Variants in TG observed in about 807,000 individuals in gnomAD.
TG encodes the protein thyroid hormones.
In TG, 270 loss-of-function variants were observed where a neutral mutation model predicts 324.7. That is an observed-to-expected ratio of 0.83 (90% confidence interval 0.75 to 0.92). The LOEUF (loss-of-function observed/expected upper bound fraction) is 0.92, where lower values mean the gene tolerates loss of function less well. Ranked by LOEUF, TG falls within the 40% of genes least tolerant of loss-of-function variation. The pLI, the probability that TG is intolerant of heterozygous loss-of-function variation, is 0.00. For synonymous variants in TG, 1,401 were observed against 1,327.0 expected (o/e 1.06, Z -1.21); for missense variants, 3,591 against 3,456.4 (o/e 1.04, Z -0.98).
chr8:132,973,889 T>A (rs1375044940), intron 34 of TG, among the ~76,000 whole-genome samples: 2 of 152,166 alleles, frequency 1.3e-5, no homozygotes, highest in Admixed American at 1.3e-4. Flanking sequence ...TATGGGGAAT[T>A]CTGGCTCTTA....
intron 10 of TG, among the ~76,000 whole-genome samples, chr8:132,888,917 A>G (rs1815824994): frequency 6.6e-6 from 1 of 152,158 alleles, no homozygotes; most frequent in African/African-American, 2.4e-5. Context: ...TCGTCCTCCT[A>G]TGGTTAATGT....
At chr8:132,950,559 C>T (rs1237684938) in intron 27 of TG, among the ~76,000 whole-genome samples, 1 of 152,208 alleles carries the variant, frequency 6.6e-6, no homozygotes. Context: ...AGTGCTTCCT[C>T]GACTACAGAG....
chr8:132,991,559 T>C (rs924137148), intron 35 of TG, among the ~76,000 whole-genome samples: 26 of 152,370 alleles, frequency 1.7e-4, no homozygotes, highest in Non-Finnish European at 2.9e-4. Flanking sequence ...ACAAGCCATT[T>C]TGAGGGAGCT....
intron 42 of TG, among the ~76,000 whole-genome samples, chr8:133,095,534 C>A (rs947225840): frequency 6.6e-6 from 1 of 152,166 alleles, no homozygotes; most frequent in Non-Finnish European, 1.5e-5. Flanking sequence ...ACTCCAGGAC[C>A]GTGGTGGGCA....
intron 27 of TG, among the ~76,000 whole-genome samples, chr8:132,957,824 G>A (rs1827151758): frequency 6.7e-6 from 1 of 148,708 alleles, no homozygotes; most frequent in Non-Finnish European, 1.5e-5. Flanking sequence ...CTGGGGTAAG[G>A]TGGTGTTTGG....
intron 44 of TG, among the ~76,000 whole-genome samples, chr8:133,114,023 A>G (rs931060074): frequency 2.0e-5 from 3 of 152,178 alleles, no homozygotes; most frequent in Non-Finnish European, 4.4e-5. Context: ...CCCATCAGGC[A>G]CACGTGAGCG....
At chr8:132,947,927 G>C (rs1381810817) in intron 26 of TG, among the ~76,000 whole-genome samples, 3 of 152,222 alleles carry the variant, frequency 2.0e-5, no homozygotes, top group African/African-American at 7.2e-5. Context: ...ATTACCTTGG[G>C]AGTAGGTCTT....
rs774972059 is a variant in TG at position 132,911,397 on chromosome 8, G to T, written c.4023G>T (p.Leu1341=). ...TGTAGGTGAAGACTTTTGGCACCCT[G>T]GTTTCCATTCCTGTCTGCAACAACT... The part of the protein sequence containing the change: ...CQIQVKTFGT[L]VSIPVCNNSS... The change falls in exon 19 of 48, where the codon CTG becomes CTT. Residue 1341 remains leucine (L), a synonymous_variant. Coordinates refer to ENST00000220616, the MANE Select transcript of TG (RefSeq NM_003235.5). 8.7e-6 allele frequency: 14 copies of T among 1,614,040 alleles called. No homozygotes were observed. Among genetic ancestry groups the T allele is most frequent in the Non-Finnish European group, 1.2e-5 (14 of 1,180,044 alleles).
In TG at chr8:133,084,835, C is replaced by T. The variant is rs548538860; in HGVS notation, c.7240-10209C>T. Among the ~76,000 whole-genome samples, 14 of 152,320 alleles carry T rather than the reference C, an allele frequency of 9.2e-5. No individual in the cohort carries two copies. In the South Asian group the frequency reaches 2.1e-3, roughly 23 times the overall value. On this transcript the variant is annotated intron_variant, in intron 41 of 47. Transcript: ENST00000220616. ...TCTACAGCTAGACCACATGGACTGC[C>T]GTGCCTGTCAAAGATGTCTGCAGAA... is the stretch of plus-strand genomic sequence containing the variant.
At chr8:133,030,848 A>G (rs1042195271) in intron 41 of TG, among the ~76,000 whole-genome samples, 2 of 152,230 alleles carry the variant, frequency 1.3e-5, no homozygotes, top group African/African-American at 4.8e-5. Flanking sequence ...AGTCCTGGCA[A>G]CAGGGAAAGC....
At chr8:132,931,193 G>A (rs1437457107) in intron 23 of TG, among the ~76,000 whole-genome samples, 1 of 152,192 alleles carries the variant, frequency 6.6e-6, no homozygotes, top group Non-Finnish European at 1.5e-5. Flanking sequence ...GTATGTGTCT[G>A]TATCCTAATC....
chr8:133,027,330 A>T (rs756291510), intron 40 of TG, among the ~76,000 whole-genome samples: 43 of 152,240 alleles, frequency 2.8e-4, no homozygotes, highest in Non-Finnish European at 4.4e-4. Flanking sequence ...GTGTTAGTGC[A>T]GGCCTGGAGG....
At chr8:133,052,711 G>T (rs938121558) in intron 41 of TG, among the ~76,000 whole-genome samples, 1 of 152,198 alleles carries the variant, frequency 6.6e-6, no homozygotes, top group Non-Finnish European at 1.5e-5. Context: ...AAGCAAATTT[G>T]GCAGTCCTCT....
intron 34 of TG, among the ~76,000 whole-genome samples, chr8:132,979,591 G>A (rs1830574491): frequency 6.6e-6 from 1 of 152,146 alleles, no homozygotes; most frequent in Non-Finnish European, 1.5e-5. Flanking sequence ...CTGGCACTAG[G>A]CTAGCATTTG....
At position 132,913,205 on chromosome 8, in the gene TG, T is replaced by A. The variant is rs1364915503; in HGVS notation, c.4318T>A (p.Cys1440Ser). The A allele has an allele frequency of 2.5e-6, 4 of 1,613,988 alleles. No individual in the cohort carries two copies. The highest frequency in any genetic ancestry group is 3.4e-6 in the Non-Finnish European group (4 of 1,180,010). The part of the protein sequence containing the change: ...FGTSPRTWFG[C>S]SEGFYQVLTS... ...CACCTCTCCCAGGACATGGTTTGGG[T>A]GCTCGGAAGGATTCTACCAAGTCTT... Residue 1440 changes from cysteine (C) to serine (S), a missense_variant, in exon 20 of 48, where the codon TGC (cysteine) becomes AGC (serine). Cys to Ser is a moderately radical substitution (Grantham distance 112). Transcript: ENST00000220616.
At chr8:133,086,172 T>G (rs1270585070) in intron 41 of TG, among the ~76,000 whole-genome samples, 2 of 152,096 alleles carry the variant, frequency 1.3e-5, no homozygotes, top group East Asian at 3.9e-4. Flanking sequence ...AGACAGAAAG[T>G]AGATTAGTGA....
chr8:132,924,250 C>A (rs1821508172), intron 22 of TG, among the ~76,000 whole-genome samples: 1 of 152,100 alleles, frequency 6.6e-6, no homozygotes, highest in South Asian at 2.1e-4. Flanking sequence ...GAATCTAATG[C>A]TGCCACTGAT....
chr8:133,003,508 G>A (rs1833745691), intron 35 of TG, among the ~76,000 whole-genome samples: 1 of 151,308 alleles, frequency 6.6e-6, no homozygotes. Context: ...CTGTGTAATA[G>A]ATCTCAAAAA....
intron 10 of TG, among the ~76,000 whole-genome samples, chr8:132,892,892 C>A (rs568984609): frequency 1.8e-5 from 2 of 110,992 alleles, no homozygotes; most frequent in South Asian, 6.3e-4. Flanking sequence ...GTGTGGTATG[C>A]CTGTGTGCAT....
Sources: gnomAD v4.1 joint callset for allele counts (sites outside exome capture counted in the v4.1 genomes callset) on GRCh38, gnomAD v4.1.1 for gene constraint, MANE v1.5 for transcripts, NCBI Gene and HGNC (gene_info 2026-07-23, HGNC 2026-07-21) for gene names.